TAF1L: variants seen among roughly 807,000 people sequenced by gnomAD.
The protein encoded by TAF1L is TATA-box binding protein associated factor 1 like, also known as transcription initiation factor TFIID subunit 1-like.
Under a neutral mutation model 128.8 loss-of-function variants are expected in TAF1L, and 30 were observed. The observed-to-expected ratio is 0.23, with a 90% CI of 0.17 to 0.32. TAF1L has a LOEUF of 0.32. TAF1L is among the 10% of genes least tolerant of loss of function. TAF1L has a pLI of 1.00. For missense variants in TAF1L, 2,099 were observed against 2,253.7 expected, an observed-to-expected ratio of 0.93 and a Z score of 1.39; for synonymous variants, 764 against 790.7, an observed-to-expected ratio of 0.97 and a Z score of 0.57.
Position 32,632,151 on chromosome 9 carries a change from C to T in TAF1L, c.3429G>A (p.Gln1143=). Residue 1143 remains glutamine, a synonymous_variant, in exon 1 of 1, where the codon CAG becomes CAA. Transcript: ENST00000242310. This position sits in a 1 kb window ranked among gnomAD's most constrained non-coding sequence, Gnocchi z 4.4. ...GCATTCGCCGTAGTTCCTTCCGCTCCTGCTCCTCCCATTCACGTGACAGCT... is the reference window on the plus strand; with the variant it reads ...GCATTCGCCGTAGTTCCTTCCGCTCTTGCTCCTCCCATTCACGTGACAGCT... ...SSQLSREWEE[Q]ERKELRRMLL... 1 of 1,614,226 alleles carries T rather than the reference C, an allele frequency of 6.2e-7. No individual in the cohort carries two copies. The highest frequency in any genetic ancestry group is 8.5e-7 in the Non-Finnish European group (1 of 1,180,040).
At position 32,634,205 on chromosome 9, in the gene TAF1L, T is replaced by C. The variant is rs754272432; in HGVS notation, c.1375A>G (p.Ile459Val). 3.7e-6 allele frequency: 6 copies of C among 1,614,180 alleles called. No individual in the cohort carries two copies. The highest frequency in any genetic ancestry group is 1.1e-5 in the South Asian group (1 of 91,082). Residue 459 changes from isoleucine (I) to valine (V), a missense_variant, in exon 1 of 1, where the codon ATT becomes GTT. Ile to Val is a conservative substitution (Grantham distance 29). Coordinates refer to ENST00000242310, the MANE Select transcript of TAF1L (RefSeq NM_153809.2). The part of the protein sequence containing the change: ...GASLAGWLPS[I>V]KTRNVMAYNV... ...TAAGCCATTACATTCCTAGTCTTAA[T>C]AGAAGGAAGCCAGCCTGCCAGGCTT...
Position 32,630,322 on chromosome 9 carries a change from T to G in TAF1L, c.5258A>C (p.Gln1753Pro), listed in dbSNP as rs933786939. Reference sequence around the variant, plus strand: ...ATACAGGACACTGGCTTCAGGTTGTTGTACAGTTCCTTCCTCTTCATCTGC... The same window carrying G: ...ATACAGGACACTGGCTTCAGGTTGTGGTACAGTTCCTTCCTCTTCATCTGC... ...DLADEEEGTV[Q>P]QPEASVLYED... Residue 1753 changes from glutamine to proline, a missense_variant, in exon 1 of 1, where the codon CAA becomes CCA. This residue lies in a region of TAF1L where 404 missense variants were observed against 406.5 expected (regional missense o/e 0.99). Transcript: ENST00000242310. The G allele has an allele frequency of 6.2e-7, 1 of 1,614,222 alleles. No individual in the cohort carries two copies. The highest frequency in any genetic ancestry group is 8.5e-7 in the Non-Finnish European group (1 of 1,180,036).
Position 32,632,670 on chromosome 9 carries a change from A to T in TAF1L, c.2910T>A (p.Thr970=). 1 of 1,614,198 alleles carries T rather than the reference A, an allele frequency of 6.2e-7. No individual in the cohort carries two copies. Among genetic ancestry groups the T allele is most frequent in the East Asian group, 2.2e-5 (1 of 44,878 alleles). Reference sequence around the variant, plus strand: ...CACACCCTGTGGGATCTGCCACCCCAGTCACCTCTAGGAGACACTTGCCCT... The same window carrying T: ...CACACCCTGTGGGATCTGCCACCCCTGTCACCTCTAGGAGACACTTGCCCT... ...AMKGKCLLEV[T]GVADPTGCGE... The change falls in exon 1 of 1, where the codon ACT becomes ACA. Residue 970 remains threonine (T), a synonymous_variant. Coordinates refer to ENST00000242310, the MANE Select transcript of TAF1L (RefSeq NM_153809.2). This position sits in a 1 kb window ranked among gnomAD's most constrained non-coding sequence, Gnocchi z 4.4.
rs1033421059 is a variant in TAF1L at position 32,630,083 on chromosome 9, G to A, written c.*16C>T. The A allele has an allele frequency of 1.9e-6, 3 of 1,613,874 alleles. No individual in the cohort carries two copies. The highest frequency in any genetic ancestry group is 1.7e-5 in the Admixed American group (1 of 59,992). ...AAGCCTCCCCACCGTCTCCCTCATG[G>A]GACATCATGCTTTCTTCATTTTCCG... On this transcript the variant is annotated 3_prime_UTR_variant, in exon 1 of 1. Transcript: ENST00000242310.
At position 32,630,901 on chromosome 9, in the gene TAF1L, T is replaced by A. The variant is rs903800906; in HGVS notation, c.4679A>T (p.Tyr1560Phe). 2 of 1,614,220 alleles carry A rather than the reference T, an allele frequency of 1.2e-6. No homozygotes were observed. Among genetic ancestry groups the A allele is most frequent in the Non-Finnish European group, 1.7e-6 (2 of 1,180,042 alleles). Residue 1560 changes from tyrosine (Y) to phenylalanine (F), a missense_variant, in exon 1 of 1, where the codon TAC becomes TTC. Tyr to Phe is a conservative substitution (Grantham distance 22, BLOSUM62 3). Coordinates refer to ENST00000242310, the MANE Select transcript of TAF1L (RefSeq NM_153809.2). ...ATCCACTGGATTGACAATCATTTTGTAATAATCTGGAACAAACTTCTTATT... is the reference window on the plus strand; with the variant it reads ...ATCCACTGGATTGACAATCATTTTGAAATAATCTGGAACAAACTTCTTATT... ...PVNKKFVPDY[Y>F]KMIVNPVDLE...
At position 32,632,609 on chromosome 9, in the gene TAF1L, G is replaced by A. The variant is rs747491273; in HGVS notation, c.2971C>T (p.Pro991Ser). ...GFSYVKIPNK[P>S]TQQKDDKEPQ... ...TCTTTATCATCCTTCTGCTGTGTTG[G>A]TTTATTTGGAATCTTCACATAGGAG... Residue 991 changes from proline (P) to serine (S), a missense_variant, in exon 1 of 1, where the codon CCA becomes TCA. By Grantham distance (74) the Pro-to-Ser change is moderately conservative. Transcript: ENST00000242310. This position sits in a 1 kb window ranked among gnomAD's most constrained non-coding sequence, Gnocchi z 4.4. 6 of 1,614,048 alleles carry A rather than the reference G, an allele frequency of 3.7e-6. No homozygotes were observed. In the South Asian group the frequency reaches 4.4e-5, roughly 12 times the overall value.
Position 32,631,196 on chromosome 9 carries a change from C to T in TAF1L, c.4384G>A (p.Glu1462Lys), listed in dbSNP as rs2119083928. The T allele has an allele frequency of 1.2e-6, 2 of 1,614,176 alleles. No individual in the cohort carries two copies. The highest frequency in any genetic ancestry group is 2.2e-5 in the South Asian group (2 of 91,078). ...AGCTCCAGATGCTCTCTGAACTCTT[C>T]CCGAGATGGGTAGAGGCATTTACGC... ...NVRKCLYPSR[E>K]EFREHLELIV... The change falls in exon 1 of 1, where the codon GAA becomes AAA. Residue 1462 changes from glutamate to lysine, a missense_variant. By Grantham distance (56) the Glu-to-Lys change is moderately conservative. Coordinates refer to ENST00000242310, the MANE Select transcript of TAF1L (RefSeq NM_153809.2). The surrounding 1 kb of genome is among the most constrained non-coding windows in gnomAD (Gnocchi z 4.1).
Position 32,633,003 on chromosome 9 carries a change from G to A in TAF1L, c.2577C>T (p.Ser859=). 3 of 1,614,176 alleles carry A rather than the reference G, an allele frequency of 1.9e-6. No homozygotes were observed. The highest frequency in any genetic ancestry group is 2.5e-6 in the Non-Finnish European group (3 of 1,180,026). The change falls in exon 1 of 1, where the codon AGC becomes AGT. Residue 859 remains serine (S), a synonymous_variant. Transcript: ENST00000242310. The part of the protein sequence containing the change: ...IKKAFPSHSE[S]SIRKRLKLCA... Reference sequence around the variant, plus strand: ...AGAGCTTTAGCCTCTTCCGGATGCTGCTTTCTGAATGGGAAGGAAAGGCTT... The same window carrying A: ...AGAGCTTTAGCCTCTTCCGGATGCTACTTTCTGAATGGGAAGGAAAGGCTT...
chr9:32,633,462 A>G lies in TAF1L; in HGVS notation c.2118T>C (p.Asn706=). 1 of 1,614,036 alleles carries G rather than the reference A, an allele frequency of 6.2e-7. No individual in the cohort carries two copies. The highest frequency in any genetic ancestry group is 8.5e-7 in the Non-Finnish European group (1 of 1,180,030). The change falls in exon 1 of 1, where the codon AAT becomes AAC. Residue 706 remains asparagine (N), a synonymous_variant. Transcript: ENST00000242310. ...TGCCAACCTGCATCATTAAGGGTCC[A>G]TTTTCCTCACTATATTCTGCAAGAA... ...DLILAEYSEE[N]GPLMMQVGMA... is the part of the protein sequence containing the mutation.
rs1822516285 is a variant in TAF1L, at chr9:32,631,466, T to G, written c.4114A>C (p.Lys1372Gln). 1 of 1,614,090 alleles carries G rather than the reference T, an allele frequency of 6.2e-7. No individual in the cohort carries two copies. Among genetic ancestry groups the G allele is most frequent in the South Asian group, 1.1e-5 (1 of 91,080 alleles). Residue 1372 changes from lysine to glutamine, a missense_variant, in exon 1 of 1, where the codon AAG (lysine) becomes CAG (glutamine). Coordinates refer to ENST00000242310, the MANE Select transcript of TAF1L (RefSeq NM_153809.2). The surrounding 1 kb of genome is among the most constrained non-coding windows in gnomAD (Gnocchi z 4.1). The stretch of plus-strand genomic sequence containing the variant: ...GTGGTTCCAACTCGCCGTTTCTTCT[T>G]TGGAGGAAGCTGCTGTTTAGGAAAC... ...LKFPKQQLPPKKKRRVGTTVH... is the reference protein window; with the variant it reads ...LKFPKQQLPPQKKRRVGTTVH...
At position 32,635,389 on chromosome 9, in the gene TAF1L, T is replaced by C. The variant is rs1356020268; in HGVS notation, c.191A>G (p.His64Arg). 1.2e-6 allele frequency: 2 copies of C among 1,614,116 alleles called. No individual in the cohort carries two copies. ...ESVLDDECKK[H>R]LAGLGALGLG... ...CCCCAAAGCCCCCAAGCCTGCCAAG[T>C]GCTTCTTACACTCATCATCCAAGAC... Residue 64 changes from histidine (H) to arginine (R), a missense_variant, in exon 1 of 1, where the codon CAC becomes CGC. Physicochemically the swap from His to Arg is conservative, Grantham distance 29. This residue lies in a region of TAF1L where 473 missense variants were observed against 429.6 expected (regional missense o/e 1.10). Coordinates refer to ENST00000242310, the MANE Select transcript of TAF1L (RefSeq NM_153809.2).
rs768937418 is a variant in TAF1L, at chr9:32,629,966, G to A, written c.*133C>T. On this transcript the variant is annotated 3_prime_UTR_variant, in exon 1 of 1. Coordinates refer to ENST00000242310, the MANE Select transcript of TAF1L (RefSeq NM_153809.2). ...CCACCATGCCCAGCTGGAAATTTCC[G>A]ATGCTGCTGAAGCTTGTGTCTTGGG... 17 of 1,522,606 alleles carry A rather than the reference G, an allele frequency of 1.1e-5. No individual in the cohort carries two copies. The highest frequency in any genetic ancestry group is 2.8e-5 in the African/African-American group (2 of 72,700). 94.3% of individuals were successfully genotyped at this position (1,522,606 alleles called of 1,614,324 possible).
chr9:32,633,164 G>A lies in TAF1L; in HGVS notation c.2416C>T (p.Pro806Ser), dbSNP rs771653112. Residue 806 changes from proline to serine, a missense_variant, in exon 1 of 1, where the codon CCC (proline) becomes TCC (serine). By Grantham distance (74) the Pro-to-Ser change is moderately conservative. Transcript: ENST00000242310. The stretch of plus-strand genomic sequence containing the variant: ...TTAGGCCCAGGAACTTCAAACAAGG[G>A]ACACTGCTGGCCAACCACAAAAATA... ...VDIFVVGQQC[P>S]LFEVPGPNSR... 4 of 1,614,170 alleles carry A rather than the reference G, an allele frequency of 2.5e-6. No homozygotes were observed. Among genetic ancestry groups the A allele is most frequent in the African/African-American group, 1.3e-5 (1 of 75,024 alleles).
chr9:32,634,513 C>T lies in TAF1L; in HGVS notation c.1067G>A (p.Arg356Lys), dbSNP rs1318549547. ...DVDKVTDTKP[R>K]VAEWRYGPAR... ...AGGCCCATAACGCCACTCAGCCACTCTTGGTTTGGTATCTGTCACTTTATC... is the reference window on the plus strand; with the variant it reads ...AGGCCCATAACGCCACTCAGCCACTTTTGGTTTGGTATCTGTCACTTTATC... Residue 356 changes from arginine (R) to lysine (K), a missense_variant, in exon 1 of 1, where the codon AGA becomes AAA. Transcript: ENST00000242310. The T allele has an allele frequency of 3.7e-6, 6 of 1,614,084 alleles. No homozygotes were observed. The South Asian group carries it at 6.6e-5, about 18-fold the overall frequency.
rs1822491534 is a variant in TAF1L at position 32,629,666 on chromosome 9, C to T, written c.*433G>A. 2 of 222,884 alleles carry T rather than the reference C, an allele frequency of 9.0e-6. No homozygotes were observed. The highest frequency in any genetic ancestry group is 8.1e-5 in the South Asian group (1 of 12,390). The allele number at this position is 222,884 out of a possible 1,614,324, so 13.8% of individuals were successfully genotyped here. A position where few individuals can be genotyped will look rare whatever the true frequency, so the allele number is the denominator to read the frequency against. On this transcript the variant is annotated 3_prime_UTR_variant, in exon 1 of 1. Transcript: ENST00000242310. ...AGATGATACCATGCTTGGAAATTTT[C>T]TTTTTTTTTGAGATGGAGTCTCACT...
Position 32,632,631 on chromosome 9 carries a change from G to C in TAF1L, c.2949C>G (p.Ser983=), listed in dbSNP as rs944194641. ...ADPTGCGEGF[S]YVKIPNKPTQ... is the part of the protein sequence containing the mutation. ...TTGGTTTATTTGGAATCTTCACATA[G>C]GAGAATCCTTCACCACACCCTGTGG... The change falls in exon 1 of 1, where the codon TCC becomes TCG. Residue 983 remains serine, a synonymous_variant. Transcript: ENST00000242310. This position sits in a 1 kb window ranked among gnomAD's most constrained non-coding sequence, Gnocchi z 4.4. 6.2e-7 allele frequency: 1 copy of C among 1,614,034 alleles called. No homozygotes were observed. Among genetic ancestry groups the C allele is most frequent in the Admixed American group, 1.7e-5 (1 of 59,998 alleles).
Position 32,633,165 on chromosome 9 carries a change from A to G in TAF1L, c.2415T>C (p.Cys805=). ...LVDIFVVGQQ[C]PLFEVPGPNS... is the part of the protein sequence containing the mutation. Reference sequence around the variant, plus strand: ...TAGGCCCAGGAACTTCAAACAAGGGACACTGCTGGCCAACCACAAAAATAT... The same window carrying G: ...TAGGCCCAGGAACTTCAAACAAGGGGCACTGCTGGCCAACCACAAAAATAT... Residue 805 remains cysteine (C), a synonymous_variant, in exon 1 of 1, where the codon TGT becomes TGC. Coordinates refer to ENST00000242310, the MANE Select transcript of TAF1L (RefSeq NM_153809.2). 3.1e-6 allele frequency: 5 copies of G among 1,614,196 alleles called. No homozygotes were observed. Among genetic ancestry groups the G allele is most frequent in the Non-Finnish European group, 4.2e-6 (5 of 1,180,034 alleles).
rs200364643 is a variant in TAF1L at position 32,630,878 on chromosome 9, C to T, written c.4702G>A (p.Asp1568Asn). 17 of 1,614,006 alleles carry T rather than the reference C, an allele frequency of 1.1e-5. No individual in the cohort carries two copies. The Admixed American group carries it at 2.2e-4, about 21-fold the overall frequency. Residue 1568 changes from aspartate (D) to asparagine (N), a missense_variant, in exon 1 of 1, where the codon GAT becomes AAT. Asp to Asn is a conservative substitution (Grantham distance 23). Coordinates refer to ENST00000242310, the MANE Select transcript of TAF1L (RefSeq NM_153809.2). ...DYYKMIVNPV[D>N]LETIRKNISK... is the part of the protein sequence containing the mutation. ...ATGTTCTTACGTATGGTCTCTAAATCCACTGGATTGACAATCATTTTGTAA... is the reference window on the plus strand; with the variant it reads ...ATGTTCTTACGTATGGTCTCTAAATTCACTGGATTGACAATCATTTTGTAA...
chr9:32,633,453 T>G lies in TAF1L; in HGVS notation c.2127A>C (p.Leu709Phe), dbSNP rs1483072678. ...TGGTTGCCATGCCAACCTGCATCATTAAGGGTCCATTTTCCTCACTATATT... is the reference window on the plus strand; with the variant it reads ...TGGTTGCCATGCCAACCTGCATCATGAAGGGTCCATTTTCCTCACTATATT... ...LAEYSEENGP[L>F]MMQVGMATKI... Residue 709 changes from leucine (L) to phenylalanine (F), a missense_variant, in exon 1 of 1, where the codon TTA (leucine) becomes TTC (phenylalanine). Transcript: ENST00000242310. The G allele has an allele frequency of 8.1e-6, 13 of 1,614,214 alleles. No individual in the cohort carries two copies. The highest frequency in any genetic ancestry group is 1.1e-5 in the Non-Finnish European group (13 of 1,180,036).
Sources: gnomAD v4.1 joint callset for allele counts on GRCh38, gnomAD v4.1.1 for gene constraint, gnomAD v4.1.1 regional missense constraint, Gnocchi (gnomAD v3.1) non-coding constraint, MANE v1.5 for transcripts, NCBI Gene and HGNC (gene_info 2026-07-23, HGNC 2026-07-21) for gene names.